PRKAG2: variants seen among roughly 807,000 people sequenced by gnomAD.
PRKAG2 encodes the protein protein kinase AMP-activated non-catalytic subunit gamma 2.
In PRKAG2, 26 loss-of-function variants were observed where a neutral mutation model predicts 69.6. The ratio of observed to expected loss-of-function variants is 0.37; its 90% CI spans 0.27 to 0.52. PRKAG2 has a LOEUF of 0.52. PRKAG2 is among the 20% of genes least tolerant of loss of function. PRKAG2 has a pLI of 0.90. For missense variants in PRKAG2, 557 were observed against 740.0 expected (o/e 0.75, Z 2.87); for synonymous variants, 293 against 285.0 (o/e 1.03, Z -0.28).
At chr7:151,800,047 C>A (rs1336754024) in intron 1 of PRKAG2, among the ~76,000 whole-genome samples, 3 of 151,856 alleles carry the variant, frequency 2.0e-5, no homozygotes, top group Non-Finnish European at 4.4e-5. Context: ...TCTGCCTAAC[C>A]AGCTGTGTCA....
intron 3 of PRKAG2, among the ~76,000 whole-genome samples, chr7:151,704,506 T>A (rs761143918): frequency 3.9e-5 from 6 of 152,232 alleles, no homozygotes; most frequent in Admixed American, 2.0e-4. Context: ...TCTACCATCA[T>A]GTGTTTACCA....
In PRKAG2 at chr7:151,780,980, T is replaced by G. The variant is rs534550190; in HGVS notation, c.466+172A>C. On this transcript the variant is annotated intron_variant, in intron 3 of 15. Transcript: ENST00000287878. The surrounding 1 kb of genome is among the most constrained non-coding windows in gnomAD (Gnocchi z 4.2). ...AAGTGACAGGTGGAAACTGATGTTC[T>G]GGAGAGAGATTTGTTTAGGGGGAAG... Among the ~76,000 whole-genome samples, 8 of 152,160 alleles carry G rather than the reference T, an allele frequency of 5.3e-5. No homozygotes were observed. Among genetic ancestry groups the G allele is most frequent in the African/African-American group, 1.9e-4 (8 of 41,504 alleles).
At chr7:151,688,011 GGGAGGAGGA>G (rs144406628) in intron 3 of PRKAG2, among the ~76,000 whole-genome samples, 1 of 126,174 alleles carries the variant, frequency 7.9e-6, no homozygotes, top group Admixed American at 8.3e-5. Context: ...TGGAAGGGGA[GGGAGGAGGA>G]GGAGGAGGAG....
intron 15 of PRKAG2, 192 bp downstream of exon 15, chr7:151,560,332 T>C (rs1804632011): frequency 6.6e-7 from 1 of 1,505,604 alleles, no homozygotes; most frequent in Non-Finnish European, 8.9e-7. Flanking sequence ...ATACGTTCTA[T>C]ACACTTTCCT....
chr7:151,814,659 A>G lies in PRKAG2; in HGVS notation c.115-28118T>C. 4.1e-6 allele frequency: 5 copies of G among 1,231,780 alleles called. No homozygotes were observed. Among genetic ancestry groups the G allele is most frequent in the Non-Finnish European group, 5.1e-6 (5 of 988,010 alleles). The allele number at this position is 1,231,780 out of a possible 1,614,324, so 76.3% of individuals were successfully genotyped here. On this transcript the variant is annotated intron_variant, in intron 1 of 15. Coordinates refer to ENST00000287878, the MANE Select transcript of PRKAG2 (RefSeq NM_016203.4). This position sits in a 1 kb window ranked among gnomAD's most constrained non-coding sequence, Gnocchi z 4.8. ...CACTGCATGTCTGCAACAGATGGGG[A>G]CCGGGGCTGGGTGTGTTCCCAGTCC... is the stretch of plus-strand genomic sequence containing the variant.
intron 5 of PRKAG2, among the ~76,000 whole-genome samples, chr7:151,609,077 A>G (rs1305721472): frequency 2.0e-5 from 3 of 152,186 alleles, no homozygotes; most frequent in Non-Finnish European, 2.9e-5. Context: ...ACATGTTTAC[A>G]AGTATATTTT....
chr7:151,622,103 A>G (rs1821660725), intron 5 of PRKAG2, among the ~76,000 whole-genome samples: 2 of 152,214 alleles, frequency 1.3e-5, no homozygotes, highest in East Asian at 3.8e-4. Context: ...TTAGGAGGGA[A>G]GAGAGGTAAG....
intron 1 of PRKAG2, among the ~76,000 whole-genome samples, chr7:151,808,273 C>T (rs1445842979): frequency 6.6e-6 from 1 of 152,160 alleles, no homozygotes; most frequent in Non-Finnish European, 1.5e-5. Context: ...CGCAGTGCCT[C>T]GGCATTTGGG....
intron 3 of PRKAG2, among the ~76,000 whole-genome samples, chr7:151,710,416 G>A (rs1042063042): frequency 8.6e-5 from 13 of 152,004 alleles, no homozygotes; most frequent in Non-Finnish European, 1.3e-4. Context: ...CCTTTGCTCC[G>A]CTGCCACACT....
intron 4 of PRKAG2, among the ~76,000 whole-genome samples, chr7:151,664,530 T>A (rs6964109): frequency 0.01 from 1,529 of 152,280 alleles, 27 homozygotes; most frequent in African/African-American, 0.035. Context: ...TCCTCCACCC[T>A]TACTTTGTCA....
intron 11 of PRKAG2, chr7:151,566,627 G>A: frequency 4.6e-6 from 2 of 439,154 alleles, no homozygotes; most frequent in South Asian, 3.2e-5. Context: ...ATAATTATCA[G>A]GAAAAGATGA....
At position 151,781,193 on chromosome 7, in the gene PRKAG2, G is replaced by A. The variant is rs397517270; in HGVS notation, c.425C>T (p.Thr142Ile). The change falls in exon 3 of 16, where the codon ACC becomes ATC. Residue 142 changes from threonine to isoleucine, a missense_variant. Around this residue, in one of 2 missense-constraint regions of PRKAG2, gnomAD observed 352 missense variants for 356.7 expected, o/e 0.99. Coordinates refer to ENST00000287878, the MANE Select transcript of PRKAG2 (RefSeq NM_016203.4). The surrounding 1 kb of genome is among the most constrained non-coding windows in gnomAD (Gnocchi z 6.1). ...KESSPNSNPATSPGGIRFFSR... is the reference protein window; with the variant it reads ...KESSPNSNPAISPGGIRFFSR... ...GAAAAACCTGATGCCCCCGGGCGAGGTAGCAGGGTTGGAGTTGGGGGAAGA... is the reference window on the plus strand; with the variant it reads ...GAAAAACCTGATGCCCCCGGGCGAGATAGCAGGGTTGGAGTTGGGGGAAGA... The A allele has an allele frequency of 6.0e-5, 97 of 1,613,994 alleles. No homozygotes were observed. The highest frequency in any genetic ancestry group is 6.9e-5 in the Non-Finnish European group (82 of 1,180,052).
Position 151,876,515 on chromosome 7 carries a change from G to T in PRKAG2, c.106C>A (p.His36Asn). The change falls in exon 1 of 16, where the codon CAC becomes AAC. Residue 36 changes from histidine to asparagine, a missense_variant. His to Asn is a moderately conservative substitution (Grantham distance 68, BLOSUM62 1). Around this residue, in one of 2 missense-constraint regions of PRKAG2, gnomAD observed 352 missense variants for 356.7 expected, o/e 0.99. Coordinates refer to ENST00000287878, the MANE Select transcript of PRKAG2 (RefSeq NM_016203.4). The part of the protein sequence containing the change: ...ASQKRRSLRV[H>N]IPDLSSFAMP... ...CGAGTGCTGGGACTCACCGGAATGT[G>T]CACGCGCAGCGAACGCCTCTTCTGG... 6.2e-7 allele frequency: 1 copy of T among 1,606,350 alleles called. No homozygotes were observed. The highest frequency in any genetic ancestry group is 1.1e-5 in the South Asian group (1 of 91,064).
intron 3 of PRKAG2, among the ~76,000 whole-genome samples, chr7:151,772,984 T>TGAAAGAAAGAAAGAAAGAAA (rs1257330966): frequency 1.5e-4 from 11 of 71,830 alleles, no homozygotes; most frequent in Admixed American, 5.8e-4. Context: ...TCTAAATGAA[T>TGAAAGAAAGAAAGAAAGAAA]GAAAGAAAGA....
intron 5 of PRKAG2, among the ~76,000 whole-genome samples, chr7:151,610,862 C>T (rs1818661141): frequency 6.7e-6 from 1 of 150,294 alleles, no homozygotes; most frequent in Non-Finnish European, 1.5e-5. Context: ...AGTGATTCTC[C>T]TGCCTTAGCT....
chr7:151,765,450 T>TTGGGTGGTAA (rs2075684881), intron 3 of PRKAG2, among the ~76,000 whole-genome samples: 1 of 152,110 alleles, frequency 6.6e-6, no homozygotes, highest in Non-Finnish European at 1.5e-5. Context: ...AACAGGAGAT[T>TTGGGTGGTAA]CGGGTGGTAA....
At chr7:151,669,506 C>T (rs541907856) in intron 4 of PRKAG2, among the ~76,000 whole-genome samples, 1 of 152,284 alleles carries the variant, frequency 6.6e-6, no homozygotes, top group East Asian at 1.9e-4. Flanking sequence ...ATTCAGAATC[C>T]GTTTTTTTCG....
chr7:151,560,244 A>C, intron 15 of PRKAG2: 1 of 1,301,944 alleles, frequency 7.7e-7, no homozygotes. Flanking sequence ...TCAGTGGAAA[A>C]GGTTATGATG....
chr7:151,693,271 CAGGAGGCCCAAGGCGGCCATA>C lies in PRKAG2; in HGVS notation c.467-17655_467-17635del, dbSNP rs1402374026. Among the ~76,000 whole-genome samples the C allele has an allele frequency of 3.3e-5, 5 of 152,338 alleles. No homozygotes were observed. In the East Asian group the frequency reaches 9.7e-4, roughly 29 times the overall value. On this transcript the variant is annotated intron_variant, in intron 3 of 15. Coordinates refer to ENST00000287878, the MANE Select transcript of PRKAG2 (RefSeq NM_016203.4). ...CAGGGCAGGCCTGAGACCCGCAGCA[CAGGAGGCCCAAGGCGGCCATA>C]AGGAGACCCAAGGCCCTCCGAGGGG...
Sources: gnomAD v4.1 joint callset for allele counts (sites outside exome capture counted in the v4.1 genomes callset) on GRCh38, gnomAD v4.1.1 for gene constraint, gnomAD v4.1.1 regional missense constraint, Gnocchi (gnomAD v3.1) non-coding constraint, MANE v1.5 for transcripts, NCBI Gene and HGNC (gene_info 2026-07-23, HGNC 2026-07-21) for gene names.